DLG2: variants seen among roughly 807,000 people sequenced by gnomAD.
DLG2 encodes discs large MAGUK scaffold protein 2, also known as disks large homolog 2.
DLG2 carries 45 observed loss-of-function variants against 132.5 expected under a neutral mutation model. The observed-to-expected ratio is 0.34, with a 90% CI of 0.27 to 0.44. The LOEUF (loss-of-function observed/expected upper bound fraction) is 0.44. Ranked by LOEUF, DLG2 falls within the 20% of genes least tolerant of loss-of-function variation. DLG2 has a pLI of 1.00. For missense variants in DLG2, 1,045 were observed against 1,196.9 expected, an observed-to-expected ratio of 0.87 and a Z score of 1.87; for synonymous variants, 424 against 419.6, an observed-to-expected ratio of 1.01 and a Z score of -0.13.
At chr11:85,595,470 A>G (rs1425161948) in intron 3 of DLG2, among the ~76,000 whole-genome samples, 1 of 152,186 alleles carries the variant, frequency 6.6e-6, no homozygotes, top group Non-Finnish European at 1.5e-5. Flanking sequence ...TAGTATTACC[A>G]CAAGATGTCA....
chr11:85,324,286 C>T (rs1188988587), intron 3 of DLG2, among the ~76,000 whole-genome samples: 6 of 151,940 alleles, frequency 3.9e-5, no homozygotes, highest in South Asian at 2.1e-4. Flanking sequence ...TTTATTCCAC[C>T]GCCTTGTTGA....
intron 2 of DLG2, among the ~76,000 whole-genome samples, chr11:85,621,577 C>T (rs2081705593): frequency 6.6e-6 from 1 of 152,170 alleles, no homozygotes; most frequent in African/African-American, 2.4e-5. Context: ...TTCATTCCAA[C>T]TTTCATGGAT....
chr11:84,363,184 T>A (rs935430413), intron 7 of DLG2, among the ~76,000 whole-genome samples: 46 of 152,114 alleles, frequency 3.0e-4, no homozygotes, highest in Middle Eastern at 3.4e-3. Context: ...GTTTCCTGAC[T>A]TTTTAATGAT....
At chr11:83,757,833 C>T (rs1232940785) in intron 18 of DLG2, among the ~76,000 whole-genome samples, 1 of 152,126 alleles carries the variant, frequency 6.6e-6, no homozygotes, top group African/African-American at 2.4e-5. Flanking sequence ...TCTTCATTTC[C>T]TACTTTTGTA....
At chr11:84,548,400 G>T (rs537083921) in intron 6 of DLG2, among the ~76,000 whole-genome samples, 1 of 152,078 alleles carries the variant, frequency 6.6e-6, no homozygotes, top group Admixed American at 6.5e-5. Flanking sequence ...TTTAACGTTA[G>T]GTATATCTCC....
intron 3 of DLG2, among the ~76,000 whole-genome samples, chr11:85,447,413 C>A (rs925628006): frequency 6.6e-6 from 1 of 152,010 alleles, no homozygotes; most frequent in Non-Finnish European, 1.5e-5. Context: ...AGGGTGGAAC[C>A]TAATCCAATA....
At chr11:84,349,327 C>T (rs1325950924) in intron 7 of DLG2, among the ~76,000 whole-genome samples, 1 of 152,150 alleles carries the variant, frequency 6.6e-6, no homozygotes, top group African/African-American at 2.4e-5. Context: ...CCCCTGCCCC[C>T]ACCTTCTTTT....
At chr11:84,534,465 A>T (rs904570086) in intron 7 of DLG2, 105 bp downstream of exon 7, 45 of 1,188,206 alleles carry the variant, frequency 3.8e-5, no homozygotes, top group Non-Finnish European at 4.7e-5. Context: ...GTCCTCTATC[A>T]TGTTTTAAAA....
intron 12 of DLG2, among the ~76,000 whole-genome samples, chr11:83,975,341 A>C (rs994113663): frequency 6.6e-6 from 1 of 152,056 alleles, no homozygotes; most frequent in African/African-American, 2.4e-5. Context: ...TGTCACTGTC[A>C]CTTTACCATT....
intron 3 of DLG2, among the ~76,000 whole-genome samples, chr11:85,317,055 C>A (rs1054339392): frequency 2.6e-5 from 4 of 151,868 alleles, no homozygotes; most frequent in African/African-American, 9.7e-5. Context: ...TGAATATCAA[C>A]TTTGAAGGTA....
chr11:83,676,107 T>G (rs1289094726), intron 18 of DLG2, among the ~76,000 whole-genome samples: 2 of 152,176 alleles, frequency 1.3e-5, no homozygotes, highest in African/African-American at 4.8e-5. Context: ...TTATCCTACC[T>G]AAGCTTTAGA....
At chr11:85,623,283 A>C (rs1424907701) in intron 2 of DLG2, among the ~76,000 whole-genome samples, 2 of 152,144 alleles carry the variant, frequency 1.3e-5, no homozygotes, top group Non-Finnish European at 2.9e-5. Context: ...ACACCAGTTT[A>C]AAAGAAGCTC....
intron 15 of DLG2, among the ~76,000 whole-genome samples, chr11:83,919,392 C>A (rs2077461437): frequency 6.6e-6 from 1 of 152,074 alleles, no homozygotes; most frequent in Non-Finnish European, 1.5e-5. Context: ...GAATACCCAG[C>A]ATTCAATAAA....
chr11:83,832,086 C>T (rs1238629758), intron 17 of DLG2, among the ~76,000 whole-genome samples: 16 of 152,110 alleles, frequency 1.1e-4, no homozygotes, highest in Non-Finnish European at 2.4e-4. Flanking sequence ...AGTTTATCTT[C>T]ATTTGAACAT....
chr11:84,160,799 CT>C (rs1238849400), intron 9 of DLG2, among the ~76,000 whole-genome samples: 3 of 152,128 alleles, frequency 2.0e-5, no homozygotes, highest in African/African-American at 7.2e-5. Context: ...GGAATAGGAA[CT>C]TTCCTTCATT....
In DLG2 at chr11:84,869,013, A is replaced by T. The variant is rs190036397; in HGVS notation, c.357+242648T>A. Among the ~76,000 whole-genome samples the T allele has an allele frequency of 1.4e-4, 22 of 152,304 alleles. 1 individual carries two copies. The highest frequency in any genetic ancestry group is 4.6e-4 in the African/African-American group (19 of 41,558). On this transcript the variant is annotated intron_variant, in intron 6 of 27. Transcript: ENST00000376104. Reference sequence around the variant, plus strand: ...CCCCCTAAAGGATGTGATATGAAAAATTTTACATATCTCTAACAAATGTTA... The same window carrying T: ...CCCCCTAAAGGATGTGATATGAAAATTTTTACATATCTCTAACAAATGTTA...
At chr11:83,998,564 T>C (rs1401569702) in intron 11 of DLG2, among the ~76,000 whole-genome samples, 1 of 152,182 alleles carries the variant, frequency 6.6e-6, no homozygotes, top group Non-Finnish European at 1.5e-5. Context: ...ATGGGAGAAG[T>C]ATAAATGAGA....
intron 6 of DLG2, among the ~76,000 whole-genome samples, chr11:84,753,545 C>G (rs150511927): frequency 8.5e-5 from 13 of 152,154 alleles, no homozygotes; most frequent in South Asian, 2.1e-4. Flanking sequence ...GATCCTAAAG[C>G]TGAGGGAAAT....
At chr11:83,506,069 C>T (rs11233645) in intron 21 of DLG2, among the ~76,000 whole-genome samples, 50,052 of 152,004 alleles carry the variant, frequency 0.33, 8,516 homozygotes, top group Middle Eastern at 0.45. Flanking sequence ...GTGCACGGCC[C>T]ACTCTATGGC....
Sources: gnomAD v4.1 joint callset for allele counts (sites outside exome capture counted in the v4.1 genomes callset) on GRCh38, gnomAD v4.1.1 for gene constraint, MANE v1.5 for transcripts, NCBI Gene and HGNC (gene_info 2026-07-23, HGNC 2026-07-21) for gene names.